CLSTN2: variants seen among roughly 807,000 people sequenced by gnomAD.
The protein encoded by CLSTN2 is calsyntenin 2.
In CLSTN2, 48 loss-of-function variants were observed where a neutral mutation model predicts 101.2. That is an observed-to-expected ratio of 0.47 (90% CI 0.38 to 0.60). CLSTN2 has a LOEUF of 0.60. Ranked by LOEUF, CLSTN2 falls within the 20% of genes least tolerant of loss-of-function variation. The probability of loss-of-function intolerance (pLI) is 0.00; values close to 1 mark genes in which losing one functional copy is unlikely to be tolerated. For missense variants in CLSTN2, 1,160 were observed against 1,238.2 expected (o/e 0.94, Z 0.95); for synonymous variants, 481 against 463.6 (o/e 1.04, Z -0.48).
At chr3:140,474,844 A>T (rs1056223945) in intron 8 of CLSTN2, among the ~76,000 whole-genome samples, 3 of 151,788 alleles carry the variant, frequency 2.0e-5, no homozygotes, top group Non-Finnish European at 4.4e-5. Context: ...CAGTGTTATC[A>T]CCCCTAGGAG....
At chr3:140,173,096 AG>A (rs1469716259) in intron 1 of CLSTN2, among the ~76,000 whole-genome samples, 2 of 152,218 alleles carry the variant, frequency 1.3e-5, no homozygotes, top group Non-Finnish European at 2.9e-5. Flanking sequence ...ATCTGAGACA[AG>A]GCAAGTCCCC....
In CLSTN2 at chr3:140,296,145, A is replaced by G. The variant is rs75276412; in HGVS notation, c.233-107484A>G. Among the ~76,000 whole-genome samples the G allele has an allele frequency of 8.2e-3, 1,245 of 152,282 alleles. 12 individuals are homozygous for G. The highest frequency in any genetic ancestry group is 0.027 in the African/African-American group (1,140 of 41,580). On this transcript the variant is annotated intron_variant, in intron 2 of 16. Coordinates refer to ENST00000458420, the MANE Select transcript of CLSTN2 (RefSeq NM_022131.3). Reference sequence around the variant, plus strand: ...TACCACCCGCAACTTCATAGCTTTAACTATCTTAGAATCTAGAAGGGGGAA... The same window carrying G: ...TACCACCCGCAACTTCATAGCTTTAGCTATCTTAGAATCTAGAAGGGGGAA...
At chr3:140,491,164 C>A (rs1422172055) in intron 8 of CLSTN2, among the ~76,000 whole-genome samples, 1 of 152,204 alleles carries the variant, frequency 6.6e-6, no homozygotes, top group Non-Finnish European at 1.5e-5. Context: ...TGTCTCCTGG[C>A]CAGTCTGGTG....
intron 1 of CLSTN2, among the ~76,000 whole-genome samples, chr3:140,148,783 C>G (rs2009819241): frequency 6.6e-6 from 1 of 152,138 alleles, no homozygotes; most frequent in Non-Finnish European, 1.5e-5. Flanking sequence ...AAGAAAGCCT[C>G]AAGTTCTAGG....
At position 140,110,972 on chromosome 3, in the gene CLSTN2, G is replaced by A. The variant is rs182009041; in HGVS notation, c.110-64979G>A. 1.7e-3 allele frequency among the ~76,000 whole-genome samples: 263 copies of A among 152,266 alleles called. 1 individual carries two copies. Among genetic ancestry groups the A allele is most frequent in the Non-Finnish European group, 1.4e-3 (94 of 68,022 alleles). ...GGAAACACAATCCAGATTGTAGCTT[G>A]TCCAGATTGTACTCCTAGAAGGATC... is the stretch of plus-strand genomic sequence containing the variant. On this transcript the variant is annotated intron_variant, in intron 1 of 16. Coordinates refer to ENST00000458420, the MANE Select transcript of CLSTN2 (RefSeq NM_022131.3).
chr3:140,487,078 G>A (rs1210522920), intron 8 of CLSTN2, among the ~76,000 whole-genome samples: 2 of 152,180 alleles, frequency 1.3e-5, no homozygotes, highest in South Asian at 2.1e-4. Flanking sequence ...GAAAGAGCAG[G>A]TGCCTTCTTT....
At chr3:140,201,755 C>T (rs1239558994) in intron 2 of CLSTN2, among the ~76,000 whole-genome samples, 1 of 152,014 alleles carries the variant, frequency 6.6e-6, no homozygotes, top group Non-Finnish European at 1.5e-5. Flanking sequence ...AGAAGTGGAA[C>T]ACGGACAATA....
intron 2 of CLSTN2, among the ~76,000 whole-genome samples, chr3:140,357,394 A>T (rs896504266): frequency 6.6e-6 from 1 of 152,072 alleles, no homozygotes; most frequent in East Asian, 1.9e-4. Context: ...TGGGCCAACA[A>T]CATCAGAGCC....
At chr3:140,114,262 TC>T (rs1376426938) in intron 1 of CLSTN2, among the ~76,000 whole-genome samples, 19 of 152,202 alleles carry the variant, frequency 1.2e-4, no homozygotes, top group Admixed American at 5.2e-4. Flanking sequence ...TTGTTGCTTC[TC>T]CCACTTTTTG....
At chr3:139,941,875 C>T (rs1202174063) in intron 1 of CLSTN2, among the ~76,000 whole-genome samples, 6 of 152,230 alleles carry the variant, frequency 3.9e-5, no homozygotes, top group Non-Finnish European at 8.8e-5. Context: ...TCTTGAAGCA[C>T]TTCACATATG....
At chr3:140,288,130 CG>C (rs1181001564) in intron 2 of CLSTN2, among the ~76,000 whole-genome samples, 2 of 22,758 alleles carry the variant, frequency 8.8e-5, no homozygotes, top group South Asian at 1.0e-3. Flanking sequence ...AGGAAACCGG[CG>C]GGGGGGGTCA....
intron 1 of CLSTN2, among the ~76,000 whole-genome samples, chr3:140,045,079 T>G (rs1254708596): frequency 4.6e-5 from 7 of 152,200 alleles, no homozygotes; most frequent in Non-Finnish European, 8.8e-5. Context: ...CTTTTTCTAT[T>G]GATTGGAATA....
chr3:140,330,662 T>C (rs1349251197), intron 2 of CLSTN2, among the ~76,000 whole-genome samples: 1 of 152,166 alleles, frequency 6.6e-6, no homozygotes, highest in Non-Finnish European at 1.5e-5. Context: ...AGGTTCACCA[T>C]ATGGAAGGAT....
chr3:140,190,313 C>T (rs2010541574), intron 2 of CLSTN2, among the ~76,000 whole-genome samples: 2 of 151,942 alleles, frequency 1.3e-5, no homozygotes, highest in African/African-American at 4.8e-5. Context: ...GTCTTGATTA[C>T]TGTGGCTATA....
intron 5 of CLSTN2, among the ~76,000 whole-genome samples, chr3:140,430,598 TTGG>T (rs1311451117): frequency 6.6e-6 from 1 of 152,208 alleles, no homozygotes; most frequent in Non-Finnish European, 1.5e-5. Flanking sequence ...TATTTACTAT[TTGG>T]TTCTTTACAG....
chr3:140,235,802 G>A (rs559812488), intron 2 of CLSTN2, among the ~76,000 whole-genome samples: 1 of 152,268 alleles, frequency 6.6e-6, no homozygotes, highest in South Asian at 2.1e-4. Flanking sequence ...GGTGGTAGTG[G>A]GGGGCTGATT....
At chr3:140,279,520 G>A (rs2086826136) in intron 2 of CLSTN2, among the ~76,000 whole-genome samples, 1 of 152,236 alleles carries the variant, frequency 6.6e-6, no homozygotes, top group Non-Finnish European at 1.5e-5. Flanking sequence ...CTATGTTCTT[G>A]AAACCCCTGA....
intron 4 of CLSTN2, among the ~76,000 whole-genome samples, chr3:140,417,549 T>A (rs565351753): frequency 8.0e-4 from 121 of 151,480 alleles, no homozygotes; most frequent in Non-Finnish European, 1.1e-3. Flanking sequence ...TCTCCGAGTT[T>A]AAAAAAAAAT....
intron 2 of CLSTN2, among the ~76,000 whole-genome samples, chr3:140,306,053 G>A (rs1365653313): frequency 6.6e-6 from 1 of 152,078 alleles, no homozygotes; most frequent in Non-Finnish European, 1.5e-5. Context: ...CTCTCACTGT[G>A]CCCCCTACAC....
Sources: gnomAD v4.1 joint callset for allele counts (sites outside exome capture counted in the v4.1 genomes callset) on GRCh38, gnomAD v4.1.1 for gene constraint, MANE v1.5 for transcripts, NCBI Gene and HGNC (gene_info 2026-07-23, HGNC 2026-07-21) for gene names.